ASTN1: variants seen among roughly 807,000 people sequenced by gnomAD.
ASTN1 encodes astrotactin 1.
ASTN1 carries 41 observed loss-of-function variants against 140.7 expected under a neutral mutation model. The ratio of observed to expected loss-of-function variants is 0.29; its 90% CI spans 0.23 to 0.38. The LOEUF is 0.38. ASTN1 is among the 10% of genes least tolerant of loss of function. ASTN1 has a pLI of 1.00. For missense variants in ASTN1, 1,479 were observed against 1,678.8 expected, an observed-to-expected ratio of 0.88 and a Z score of 2.08; for synonymous variants, 640 against 652.2, an observed-to-expected ratio of 0.98 and a Z score of 0.29.
chr1:177,070,386 G>C (rs1678578615), intron 1 of ASTN1, among the ~76,000 whole-genome samples: 1 of 152,184 alleles, frequency 6.6e-6, no homozygotes, highest in African/African-American at 2.4e-5. Context: ...ATTTCAGTAA[G>C]GTCCTCTCTA....
In ASTN1 at chr1:176,992,480, CT is replaced by C. The variant is rs1456072217; in HGVS notation, c.1523+22310del. ...TTGAGAGACAATGAGAATTCTGCTT[CT>C]AAACTCATTAAGCACCCCCAATTGG... On this transcript the variant is annotated intron_variant, in intron 8 of 22. Transcript: ENST00000361833. 9.9e-5 allele frequency among the ~76,000 whole-genome samples: 15 copies of C among 152,010 alleles called. 1 individual carries two copies. The highest frequency in any genetic ancestry group is 1.5e-5 in the Non-Finnish European group (1 of 68,002).
intron 2 of ASTN1, among the ~76,000 whole-genome samples, chr1:177,058,217 A>C (rs188615101): frequency 6.6e-6 from 1 of 152,220 alleles, no homozygotes; most frequent in African/African-American, 2.4e-5. Flanking sequence ...TTATATCTCC[A>C]CTTCATCCTG....
chr1:176,983,403 G>T (rs1204996941), intron 8 of ASTN1, among the ~76,000 whole-genome samples: 1 of 152,176 alleles, frequency 6.6e-6, no homozygotes, highest in Non-Finnish European at 1.5e-5. Context: ...GTAAAAGACA[G>T]ATAGGAAAAA....
intron 16 of ASTN1, among the ~76,000 whole-genome samples, chr1:176,911,667 C>A (rs1273415141): frequency 6.6e-6 from 1 of 152,178 alleles, no homozygotes; most frequent in African/African-American, 2.4e-5. Flanking sequence ...ATGCTTGGAG[C>A]TGTCATCTCC....
At chr1:177,049,143 A>G (rs1677401345) in intron 2 of ASTN1, among the ~76,000 whole-genome samples, 1 of 152,196 alleles carries the variant, frequency 6.6e-6, no homozygotes, top group Non-Finnish European at 1.5e-5. Context: ...CTAGTGTCCC[A>G]TATGTCCTTC....
chr1:177,155,731 G>A (rs1266836517), intron 1 of ASTN1, among the ~76,000 whole-genome samples: 1 of 152,180 alleles, frequency 6.6e-6, no homozygotes, highest in African/African-American at 2.4e-5. Flanking sequence ...GAGAGCTAAT[G>A]TTAATTAGGT....
At position 176,884,436 on chromosome 1, in the gene ASTN1, C is replaced by A. The variant is rs1200082830; in HGVS notation, c.3129G>T (p.Trp1043Cys). ...CCCCGATTGGTGGCTCTGAGTGTTC[C>A]CACTCCAGGACCACAAGAGTGCTGC... ...EPSSTLVVLE[W>C]EHSEPPIGVQ... The change falls in exon 19 of 23, where the codon TGG (tryptophan) becomes TGT (cysteine). Residue 1043 changes from tryptophan (W) to cysteine (C), a missense_variant. Coordinates refer to ENST00000361833, the MANE Select transcript of ASTN1 (RefSeq NM_004319.3). 6.2e-7 allele frequency: 1 copy of A among 1,614,078 alleles called. No homozygotes were observed. Among genetic ancestry groups the A allele is most frequent in the Middle Eastern group, 1.7e-4 (1 of 6,054 alleles).
chr1:177,007,794 C>CCACA (rs2101925835), intron 8 of ASTN1, among the ~76,000 whole-genome samples: 1 of 152,256 alleles, frequency 6.6e-6, no homozygotes, highest in South Asian at 2.1e-4. Flanking sequence ...TTCAAAATGA[C>CCACA]CACAGTTCAG....
Position 177,164,598 on chromosome 1 carries a change from C to A in ASTN1, c.79G>T (p.Val27Leu). 4 of 1,612,654 alleles carry A rather than the reference C, an allele frequency of 2.5e-6. No individual in the cohort carries two copies. Among genetic ancestry groups the A allele is most frequent in the Non-Finnish European group, 3.4e-6 (4 of 1,179,476 alleles). The change falls in exon 1 of 23, where the codon GTG becomes TTG. Residue 27 changes from valine (V) to leucine (L), a missense_variant. This residue lies in a region of ASTN1 where 729 missense variants were observed against 860.4 expected (regional missense o/e 0.85). Transcript: ENST00000361833. The part of the protein sequence containing the change: ...AAVLATAAGD[V>L]DPSKELECKL... ...CACTCCAGCTCCTTGGATGGATCCACGTCGCCGGCGGCCGTGGCCAGCACC... is the reference window on the plus strand; with the variant it reads ...CACTCCAGCTCCTTGGATGGATCCAAGTCGCCGGCGGCCGTGGCCAGCACC...
At chr1:177,062,544 CTTT>C (rs1262248770) in intron 1 of ASTN1, among the ~76,000 whole-genome samples, 12 of 128,694 alleles carry the variant, frequency 9.3e-5, no homozygotes, top group Non-Finnish European at 1.3e-4. Flanking sequence ...ATGGCCTGGC[CTTT>C]TTTTTTTTTT....
At chr1:176,879,726 T>G (rs1486132841) in intron 20 of ASTN1, among the ~76,000 whole-genome samples, 1 of 152,236 alleles carries the variant, frequency 6.6e-6, no homozygotes, top group Non-Finnish European at 1.5e-5. Context: ...ATTTAAGTTC[T>G]CCAGCTCTTT....
At position 176,861,772 on chromosome 1, in the gene ASTN1, G is replaced by T; in HGVS notation, c.*2512C>A. On this transcript the variant is annotated 3_prime_UTR_variant, in exon 23 of 23. Transcript: ENST00000361833. ...GAAGAAAGTCTTGGGGAAAGAGGAG[G>T]CCAAAAAAGGAGGGTCACAGAAAGA... is the stretch of plus-strand genomic sequence containing the variant. The T allele has an allele frequency of 1.0e-6, 1 of 985,296 alleles. No homozygotes were observed. The highest frequency in any genetic ancestry group is 1.2e-6 in the Non-Finnish European group (1 of 829,966). The allele number at this position is 985,296 out of a possible 1,614,324, so 61.0% of individuals were successfully genotyped here.
Position 177,088,298 on chromosome 1 carries a change from C to T in ASTN1, c.284-27033G>A, listed in dbSNP as rs1016974992. Among the ~76,000 whole-genome samples the T allele has an allele frequency of 3.3e-5, 5 of 152,160 alleles. No homozygotes were observed. The East Asian group carries it at 5.8e-4, about 18-fold the overall frequency. On this transcript the variant is annotated intron_variant, in intron 1 of 22. Transcript: ENST00000361833. ...CCTTGGTGAAGCCAGACCAAAGTTC[C>T]ATTGCCAGAGTTGAATAATATTCAC...
At chr1:176,881,310 G>C (rs1668790479) in intron 20 of ASTN1, among the ~76,000 whole-genome samples, 1 of 152,232 alleles carries the variant, frequency 6.6e-6, no homozygotes, top group Non-Finnish European at 1.5e-5. Context: ...GACAGCTGGA[G>C]TGAGAGACGG....
intron 1 of ASTN1, among the ~76,000 whole-genome samples, chr1:177,088,624 T>C (rs977704542): frequency 1.3e-4 from 20 of 152,142 alleles, no homozygotes; most frequent in Non-Finnish European, 2.6e-4. Context: ...TTTGATAGAA[T>C]ACTACTTTAA....
chr1:177,024,855 G>A, intron 5 of ASTN1, 123 bp from the exon 6 acceptor site: 1 of 1,099,918 alleles, frequency 9.1e-7, no homozygotes, highest in Middle Eastern at 2.1e-4. Flanking sequence ...GCCCATGGAG[G>A]GAACTGTCTC....
At chr1:176,865,772 A>T (rs767745745) in intron 22 of ASTN1, among the ~76,000 whole-genome samples, 1 of 152,198 alleles carries the variant, frequency 6.6e-6, no homozygotes, top group Non-Finnish European at 1.5e-5. Context: ...TTTACAAAAG[A>T]AAGGTTTAAT....
intron 1 of ASTN1, among the ~76,000 whole-genome samples, chr1:177,077,050 A>C (rs1247201304): frequency 6.6e-6 from 1 of 152,184 alleles, no homozygotes; most frequent in African/African-American, 2.4e-5. Flanking sequence ...GTGACTCAAG[A>C]AAATGGAAGC....
chr1:177,091,612 T>C (rs1446620351), intron 1 of ASTN1, among the ~76,000 whole-genome samples: 1 of 152,186 alleles, frequency 6.6e-6, no homozygotes, highest in Non-Finnish European at 1.5e-5. Flanking sequence ...ATTTTTAAAA[T>C]ATTCACAAAG....
Sources: gnomAD v4.1 joint callset for allele counts (sites outside exome capture counted in the v4.1 genomes callset) on GRCh38, gnomAD v4.1.1 for gene constraint, gnomAD v4.1.1 regional missense constraint, MANE v1.5 for transcripts, NCBI Gene and HGNC (gene_info 2026-07-23, HGNC 2026-07-21) for gene names.